DAB2IP: variants seen among roughly 807,000 people sequenced by gnomAD.
The protein encoded by DAB2IP is disabled homolog 2-interacting protein.
A neutral mutation model predicts 107.2 loss-of-function variants in DAB2IP; 28 were observed. The ratio of observed to expected loss-of-function variants is 0.26; its 90% CI spans 0.19 to 0.36. The LOEUF (loss-of-function observed/expected upper bound fraction) is 0.36. Among genes scored for constraint, DAB2IP ranks in the 10% least tolerant of loss-of-function variants. The pLI is 1.00. For synonymous variants in DAB2IP, 755 were observed against 706.4 expected (o/e 1.07, Z -1.09); for missense variants, 1,400 against 1,644.7 (o/e 0.85, Z 2.57).
intron 1 of DAB2IP, among the ~76,000 whole-genome samples, chr9:121,661,786 C>T (rs1229033891): frequency 6.6e-6 from 1 of 152,156 alleles, no homozygotes; most frequent in African/African-American, 2.4e-5. Context: ...AGCTTGAGAC[C>T]AGCCTGGGCA....
rs966634693 is a variant in DAB2IP, at chr9:121,685,132, C to T, written c.228+6351C>T. Among the ~76,000 whole-genome samples the T allele has an allele frequency of 1.2e-4, 19 of 152,216 alleles. No homozygotes were observed. In the East Asian group the frequency reaches 3.5e-3, roughly 28 times the overall value. ...CGGGGTGGTGGAAGAGCAAACCCTG[C>T]CCCCTCCGCCCCCTCCACCCTCACT... On this transcript the variant is annotated intron_variant, in intron 2 of 15. Coordinates refer to ENST00000408936, the Ensembl canonical transcript of DAB2IP.
chr9:121,782,254 C>T lies in DAB2IP; in HGVS notation c.3403-77C>T, dbSNP rs1225206356. ...CCCTCATCTCCAGGCCACCCCCTTCCCCGATGCTTGTCGTAGGTATACACA... is the reference window on the plus strand; with the variant it reads ...CCCTCATCTCCAGGCCACCCCCTTCTCCGATGCTTGTCGTAGGTATACACA... On this transcript the variant is annotated intron_variant, in intron 15 of 15. Coordinates refer to ENST00000408936, the Ensembl canonical transcript of DAB2IP. The surrounding 1 kb of genome is among the most constrained non-coding windows in gnomAD (Gnocchi z 6.1). The T allele has an allele frequency of 1.6e-5, 24 of 1,539,694 alleles. No individual in the cohort carries two copies. The highest frequency in any genetic ancestry group is 1.9e-5 in the Non-Finnish European group (22 of 1,138,134).
chr9:121,742,589 C>T (rs1304744608), intron 3 of DAB2IP, among the ~76,000 whole-genome samples: 1 of 152,342 alleles, frequency 6.6e-6, no homozygotes, highest in African/African-American at 2.4e-5. Context: ...ATTCCAGTAA[C>T]TAGGCAGGCC....
chr9:121,777,298 C>G (rs1835273870), intron 14 of DAB2IP, among the ~76,000 whole-genome samples: 1 of 152,180 alleles, frequency 6.6e-6, no homozygotes, highest in African/African-American at 2.4e-5. Flanking sequence ...ATAAGCCCTT[C>G]CCAGATTCCT....
chr9:121,762,071 A>C (rs1833933955), intron 6 of DAB2IP, among the ~76,000 whole-genome samples: 1 of 152,098 alleles, frequency 6.6e-6, no homozygotes. Context: ...CATAGAAAGT[A>C]ACTTGTGCTG....
intron 1 of DAB2IP, among the ~76,000 whole-genome samples, chr9:121,663,699 A>T (rs925637585): frequency 1.3e-5 from 2 of 152,350 alleles, no homozygotes; most frequent in African/African-American, 4.8e-5. Flanking sequence ...ACTCAACATC[A>T]TAAAACCAAA....
intron 1 of DAB2IP, among the ~76,000 whole-genome samples, chr9:121,642,512 A>G (rs1589443377): frequency 7.7e-6 from 1 of 130,412 alleles, no homozygotes. Context: ...TTTTGTAGAG[A>G]CAGGGTCTCA....
intron 3 of DAB2IP, among the ~76,000 whole-genome samples, chr9:121,738,625 G>C (rs975927643): frequency 8.5e-5 from 13 of 152,160 alleles, no homozygotes; most frequent in Admixed American, 4.6e-4. Context: ...TGCCACATGT[G>C]CCTCTGTCTG....
At chr9:121,628,534 G>A (rs1831752376) in intron 1 of DAB2IP, among the ~76,000 whole-genome samples, 1 of 152,232 alleles carries the variant, frequency 6.6e-6, no homozygotes, top group South Asian at 2.1e-4. Flanking sequence ...GACAGCTTCT[G>A]CTAAGGGTGG....
intron 1 of DAB2IP, among the ~76,000 whole-genome samples, chr9:121,595,382 C>T (rs1830507428): frequency 6.6e-6 from 1 of 151,910 alleles, no homozygotes; most frequent in Non-Finnish European, 1.5e-5. Flanking sequence ...CGTTTGGGCC[C>T]AGGAGTTTGA....
intron 2 of DAB2IP, among the ~76,000 whole-genome samples, chr9:121,679,115 A>G (rs1828439546): frequency 6.6e-6 from 1 of 152,030 alleles, no homozygotes; most frequent in Non-Finnish European, 1.5e-5. Context: ...GGGCGCACAC[A>G]CACTGTGCTT....
chr9:121,782,604 G>T lies in DAB2IP; in HGVS notation c.*106G>T. 6.5e-7 allele frequency: 1 copy of T among 1,527,914 alleles called. No homozygotes were observed. 94.6% of individuals were successfully genotyped at this position (1,527,914 alleles called of 1,614,324 possible). Reference sequence around the variant, plus strand: ...CCACGGTTGCAGCCCCAGCGCGGGTGTCAGGAGGCCGAGCCTCCCCTCCCT... The same window carrying T: ...CCACGGTTGCAGCCCCAGCGCGGGTTTCAGGAGGCCGAGCCTCCCCTCCCT... On this transcript the variant is annotated 3_prime_UTR_variant, in exon 16 of 16. Coordinates refer to ENST00000408936, the Ensembl canonical transcript of DAB2IP. The surrounding 1 kb of genome is among the most constrained non-coding windows in gnomAD (Gnocchi z 6.1).
At chr9:121,642,033 T>TCTCTCTCTCTCTCTCTCTCTCTC (rs1391697683) in intron 1 of DAB2IP, among the ~76,000 whole-genome samples, 1 of 11,894 alleles carries the variant, frequency 8.4e-5, no homozygotes, top group Non-Finnish European at 1.8e-4. Flanking sequence ...CTCTCTCTCT[T>TCTCTCTCTCTCTCTCTCTCTCTC]TCTTTCTTTC....
chr9:121,748,982 C>G (rs1832909578), intron 3 of DAB2IP, among the ~76,000 whole-genome samples: 1 of 152,188 alleles, frequency 6.6e-6, no homozygotes, highest in Non-Finnish European at 1.5e-5. Flanking sequence ...TTACCTTGGC[C>G]TGAGGGAACC....
At chr9:121,716,428 G>C (rs1830607117) in intron 3 of DAB2IP, among the ~76,000 whole-genome samples, 1 of 152,224 alleles carries the variant, frequency 6.6e-6, no homozygotes, top group Admixed American at 6.5e-5. Context: ...GCTGTGCCCT[G>C]TCCCTTGCGA....
At chr9:121,611,057 C>T (rs1195347732) in intron 1 of DAB2IP, among the ~76,000 whole-genome samples, 1 of 152,158 alleles carries the variant, frequency 6.6e-6, no homozygotes, top group Non-Finnish European at 1.5e-5. Flanking sequence ...CTCACTGCAA[C>T]CTCTGCTTCC....
chr9:121,721,956 G>A (rs1377350093), intron 3 of DAB2IP, among the ~76,000 whole-genome samples: 2 of 152,192 alleles, frequency 1.3e-5, no homozygotes, highest in Admixed American at 6.5e-5. Flanking sequence ...TGCCCTGGAC[G>A]TGCAGATGTG....
chr9:121,567,329 C>A, intron 1 of DAB2IP: 4 of 1,556,680 alleles, frequency 2.6e-6, no homozygotes, highest in South Asian at 1.1e-5. Flanking sequence ...GGGAGGCAGT[C>A]AGGCATCTGG....
chr9:121,704,066 TA>T (rs1356585397), intron 3 of DAB2IP, among the ~76,000 whole-genome samples: 1 of 152,244 alleles, frequency 6.6e-6, no homozygotes, highest in Admixed American at 6.5e-5. Context: ...TACTTGTTTT[TA>T]ATCATTTAGG....
Sources: gnomAD v4.1 joint callset for allele counts (sites outside exome capture counted in the v4.1 genomes callset) on GRCh38, gnomAD v4.1.1 for gene constraint, Gnocchi (gnomAD v3.1) non-coding constraint, MANE v1.5 for transcripts, NCBI Gene and HGNC (gene_info 2026-07-23, HGNC 2026-07-21) for gene names.